INPP4B: variants seen among roughly 807,000 people sequenced by gnomAD.
INPP4B encodes inositol polyphosphate 4-phosphatase type II.
INPP4B carries 55 observed loss-of-function variants against 122.5 expected under a neutral mutation model. That is an observed-to-expected ratio of 0.45 (90% CI 0.36 to 0.56). The LOEUF (loss-of-function observed/expected upper bound fraction) is 0.56. Among genes scored for constraint, INPP4B ranks in the 20% least tolerant of loss-of-function variants. INPP4B has a pLI of 0.00. For missense variants in INPP4B, 1,000 were observed against 1,097.7 expected (o/e 0.91, Z 1.26); for synonymous variants, 403 against 388.7 (o/e 1.04, Z -0.43).
intron 25 of INPP4B, among the ~76,000 whole-genome samples, chr4:142,066,003 T>C (rs1763333381): frequency 6.6e-6 from 1 of 152,184 alleles, no homozygotes; most frequent in South Asian, 2.1e-4. Flanking sequence ...AGCTTCATGA[T>C]ATTAGCATTC....
chr4:142,649,133 C>T (rs567474921), intron 2 of INPP4B, among the ~76,000 whole-genome samples: 1 of 152,312 alleles, frequency 6.6e-6, no homozygotes, highest in South Asian at 2.1e-4. Flanking sequence ...AGGGACCTGA[C>T]TGTTCGAAGG....
At chr4:142,499,920 C>T (rs957517717) in intron 2 of INPP4B, among the ~76,000 whole-genome samples, 5 of 152,106 alleles carry the variant, frequency 3.3e-5, no homozygotes, top group East Asian at 3.9e-4. Context: ...ACTATCACTC[C>T]GTAATACAAC....
At chr4:142,589,442 A>C (rs193129570) in intron 2 of INPP4B, among the ~76,000 whole-genome samples, 1 of 152,204 alleles carries the variant, frequency 6.6e-6, no homozygotes, top group East Asian at 1.9e-4. Flanking sequence ...AGTCAAGAGT[A>C]AGAAATTTTT....
chr4:142,415,644 CATT>C (rs1461953817), intron 5 of INPP4B, among the ~76,000 whole-genome samples: 1 of 152,060 alleles, frequency 6.6e-6, no homozygotes, highest in Non-Finnish European at 1.5e-5. Context: ...CCAGCAATCC[CATT>C]ACTGGATATA....
chr4:142,035,522 C>A (rs1743317247), intron 25 of INPP4B, among the ~76,000 whole-genome samples: 1 of 152,288 alleles, frequency 6.6e-6, no homozygotes, highest in South Asian at 2.1e-4. Flanking sequence ...AAGCCACTAA[C>A]CTAGCCCACT....
intron 7 of INPP4B, among the ~76,000 whole-genome samples, chr4:142,398,158 G>A (rs1263199380): frequency 6.6e-6 from 1 of 151,106 alleles, no homozygotes; most frequent in African/African-American, 2.4e-5. Flanking sequence ...GGCGGATCAC[G>A]AGGTCAGGAG....
intron 1 of INPP4B, among the ~76,000 whole-genome samples, chr4:142,819,800 G>A (rs978410780): frequency 1.1e-4 from 17 of 151,940 alleles, no homozygotes; most frequent in Non-Finnish European, 1.8e-4. Flanking sequence ...ACACACACAC[G>A]GTTCATAGGG....
intron 2 of INPP4B, among the ~76,000 whole-genome samples, chr4:142,562,066 G>C (rs995847968): frequency 2.0e-5 from 3 of 151,872 alleles, no homozygotes; most frequent in Non-Finnish European, 2.9e-5. Flanking sequence ...TTTATAAAAG[G>C]GCAGTTCTGA....
At chr4:142,617,260 A>G (rs1743913211) in intron 2 of INPP4B, among the ~76,000 whole-genome samples, 2 of 152,028 alleles carry the variant, frequency 1.3e-5, no homozygotes, top group South Asian at 4.1e-4. Context: ...CACTATTTCT[A>G]TTGACAAATT....
chr4:142,533,233 A>G (rs1827827031), intron 2 of INPP4B, among the ~76,000 whole-genome samples: 1 of 152,180 alleles, frequency 6.6e-6, no homozygotes, highest in South Asian at 2.1e-4. Flanking sequence ...TACAAAAGAC[A>G]AATGTTTCCA....
intron 2 of INPP4B, among the ~76,000 whole-genome samples, chr4:142,467,468 T>C (rs1818004661): frequency 6.6e-6 from 1 of 152,188 alleles, no homozygotes; most frequent in South Asian, 2.1e-4. Context: ...TTTCCCCTTT[T>C]GGAATGAGAA....
chr4:142,154,085 C>A (rs549019259), intron 17 of INPP4B, among the ~76,000 whole-genome samples: 1 of 152,188 alleles, frequency 6.6e-6, no homozygotes, highest in South Asian at 2.1e-4. Flanking sequence ...ATATAGGGAA[C>A]AACTGGCCCC....
intron 9 of INPP4B, among the ~76,000 whole-genome samples, chr4:142,281,338 A>ATT (rs71586272): frequency 0.11 from 16,740 of 145,908 alleles, 1,027 homozygotes; most frequent in South Asian, 0.23. Context: ...ATAGCTAAGC[A>ATT]TTTTTTTTTT....
At chr4:142,566,945 C>T (rs1731742971) in intron 2 of INPP4B, among the ~76,000 whole-genome samples, 2 of 152,140 alleles carry the variant, frequency 1.3e-5, no homozygotes, top group African/African-American at 4.8e-5. Context: ...GGACTACGTT[C>T]AGAGCCTTGT....
chr4:142,135,326 A>G (rs113671011), intron 18 of INPP4B, among the ~76,000 whole-genome samples: 26 of 152,358 alleles, frequency 1.7e-4, no homozygotes, highest in African/African-American at 5.8e-4. Context: ...AGAGATTCAA[A>G]GGTTTCAAAA....
intron 1 of INPP4B, among the ~76,000 whole-genome samples, chr4:142,740,864 A>G (rs1767797896): frequency 6.6e-6 from 1 of 152,070 alleles, no homozygotes; most frequent in Admixed American, 6.6e-5. Flanking sequence ...CAGAAGATAA[A>G]TTAACTTAAA....
intron 9 of INPP4B, among the ~76,000 whole-genome samples, chr4:142,294,155 A>G (rs1757575040): frequency 6.6e-6 from 1 of 152,224 alleles, no homozygotes; most frequent in Admixed American, 6.5e-5. Flanking sequence ...GCAATATATC[A>G]TGTATCAAAA....
intron 25 of INPP4B, among the ~76,000 whole-genome samples, chr4:142,051,539 C>T (rs1324815766): frequency 6.6e-6 from 1 of 151,862 alleles, no homozygotes; most frequent in Non-Finnish European, 1.5e-5. Flanking sequence ...ATTTTTTATT[C>T]ACTTTACTGT....
At chr4:142,844,127 C>A (rs144902914) in intron 1 of INPP4B, among the ~76,000 whole-genome samples, 96 of 152,220 alleles carry the variant, frequency 6.3e-4, no homozygotes, top group African/African-American at 2.2e-3. Flanking sequence ...TCAAACACAA[C>A]ATTTTAAAAG....
Sources: allele counts gnomAD v4.1 joint callset (sites outside exome capture counted in the v4.1 genomes callset), GRCh38; gene constraint gnomAD v4.1.1; transcripts MANE v1.5; gene names NCBI Gene and HGNC (gene_info 2026-07-23, HGNC 2026-07-21).